SLC4A7: variants seen among roughly 807,000 people sequenced by gnomAD.
SLC4A7 encodes the protein solute carrier family 4 member 7.
A neutral mutation model predicts 137.6 loss-of-function variants in SLC4A7; 51 were observed. The observed-to-expected ratio is 0.37, with a 90% CI of 0.30 to 0.47. The LOEUF is 0.47. SLC4A7 is among the 20% of genes least tolerant of loss of function. The pLI, the probability that SLC4A7 is intolerant of heterozygous loss-of-function variation, is 1.00. For missense variants in SLC4A7, 1,247 were observed against 1,525.4 expected (o/e 0.82, Z 3.04); for synonymous variants, 542 against 518.6 (o/e 1.05, Z -0.61).
At chr3:27,473,666 T>TCAGCACTC in intron 1 of SLC4A7, among the ~76,000 whole-genome samples, 1 of 122,496 alleles carries the variant, frequency 8.2e-6, no homozygotes, top group African/African-American at 3.2e-5. Context: ...CGAGATCATA[T>TCAGCACTC]CAGCACTCCA....
At chr3:27,397,955 T>G in intron 17 of SLC4A7, 158 bp from the exon 18 acceptor site, 1 of 620,560 alleles carries the variant, frequency 1.6e-6, no homozygotes, top group Non-Finnish European at 2.7e-6. Flanking sequence ...ATTTAATTCT[T>G]TCCAAAAATA....
chr3:27,394,491 T>C (rs1257970250), intron 20 of SLC4A7, 27 bp downstream of exon 20: 5 of 1,589,600 alleles, frequency 3.1e-6, no homozygotes, highest in Non-Finnish European at 3.4e-6. Context: ...AATAAGATTG[T>C]AAAACACGGC....
intron 6 of SLC4A7, among the ~76,000 whole-genome samples, chr3:27,433,399 G>A (rs1023047494): frequency 6.6e-6 from 1 of 152,178 alleles, no homozygotes; most frequent in African/African-American, 2.4e-5. Flanking sequence ...GTAAACGACT[G>A]CAAAAACACT....
At chr3:27,462,351 T>A (rs1490216585) in intron 1 of SLC4A7, among the ~76,000 whole-genome samples, 1 of 152,182 alleles carries the variant, frequency 6.6e-6, no homozygotes, top group Non-Finnish European at 1.5e-5. Context: ...TTGGGGTTTT[T>A]AAAGAAGACA....
At chr3:27,394,845 A>G in intron 19 of SLC4A7, 76 bp from the exon 20 acceptor site, 3 of 1,550,706 alleles carry the variant, frequency 1.9e-6, no homozygotes, top group Non-Finnish European at 2.6e-6. Flanking sequence ...CGAATTATAA[A>G]GAGGGAAGAA....
At chr3:27,386,272 C>T (rs958777048) in intron 22 of SLC4A7, among the ~76,000 whole-genome samples, 5 of 150,788 alleles carry the variant, frequency 3.3e-5, no homozygotes, top group African/African-American at 1.2e-4. Context: ...TGAATAAATC[C>T]CTTGCACTAC....
chr3:27,409,259 G>T, intron 13 of SLC4A7, 97 bp downstream of exon 13: 1 of 956,786 alleles, frequency 1.0e-6, no homozygotes, highest in Non-Finnish European at 1.5e-6. Context: ...GCTGTGGGTA[G>T]ACTCTTCAAA....
intron 1 of SLC4A7, among the ~76,000 whole-genome samples, chr3:27,470,226 CT>C (rs199664626): frequency 2.9e-3 from 408 of 142,364 alleles, no homozygotes; most frequent in East Asian, 8.6e-3. Context: ...AATTGTAGAT[CT>C]TTTTTTTTTT....
At chr3:27,406,096 A>G (rs2053317906) in intron 13 of SLC4A7, among the ~76,000 whole-genome samples, 1 of 152,230 alleles carries the variant, frequency 6.6e-6, no homozygotes, top group Non-Finnish European at 1.5e-5. Context: ...TCCTGCTGAA[A>G]TGAGAGGCAG....
At chr3:27,459,617 T>C (rs565549287) in intron 1 of SLC4A7, among the ~76,000 whole-genome samples, 13 of 152,306 alleles carry the variant, frequency 8.5e-5, no homozygotes, top group African/African-American at 2.4e-4. Context: ...ACAAAAAAGA[T>C]AGCATTCATT....
chr3:27,481,943 C>A (rs112649002), intron 1 of SLC4A7, among the ~76,000 whole-genome samples: 1 of 152,088 alleles, frequency 6.6e-6, no homozygotes, highest in African/African-American at 2.4e-5. Flanking sequence ...CGAGACCAGC[C>A]TAACCAACAG....
At chr3:27,437,243 CG>C in intron 4 of SLC4A7, 144 bp downstream of exon 4, 1 of 423,302 alleles carries the variant, frequency 2.4e-6, no homozygotes, top group South Asian at 5.9e-5. Context: ...GTCAGCTACT[CG>C]GGAGGCTGAG....
In SLC4A7 at chr3:27,434,118, A is replaced by C. The variant is rs1397784776; in HGVS notation, c.590-14T>G. 1.3e-6 allele frequency: 2 copies of C among 1,563,426 alleles called. No individual in the cohort carries two copies. The highest frequency in any genetic ancestry group is 8.7e-7 in the Non-Finnish European group (1 of 1,155,232). On this transcript the variant is annotated splice_polypyrimidine_tract_variant and intron_variant, in intron 5 of 25. Transcript: ENST00000454389. ...CTAATACCATATCTATTCAATGAAA[A>C]AAAAAATAAATTACTAAACACTCAG... is the stretch of plus-strand genomic sequence containing the variant.
At chr3:27,383,299 A>C in intron 23 of SLC4A7, 49 bp from the exon 24 acceptor site, 2 of 1,315,446 alleles carry the variant, frequency 1.5e-6, no homozygotes, top group Non-Finnish European at 2.2e-6. Context: ...ATATTTTCCA[A>C]GAGAATTGAC....
chr3:27,471,657 C>A (rs1035107728), intron 1 of SLC4A7, among the ~76,000 whole-genome samples: 5 of 152,196 alleles, frequency 3.3e-5, no homozygotes, highest in Admixed American at 3.3e-4. Context: ...CAGGCGTGAG[C>A]CACCGCGCCC....
chr3:27,426,908 G>A (rs2055690652), intron 7 of SLC4A7, among the ~76,000 whole-genome samples: 2 of 152,058 alleles, frequency 1.3e-5, no homozygotes, highest in South Asian at 4.1e-4. Context: ...GCTATCATTA[G>A]CACAAACACA....
At chr3:27,393,951 G>A (rs1192069023) in intron 20 of SLC4A7, among the ~76,000 whole-genome samples, 1 of 152,044 alleles carries the variant, frequency 6.6e-6, no homozygotes, top group African/African-American at 2.4e-5. Flanking sequence ...AAAAATTACT[G>A]AGGTCATTTC....
Position 27,484,295 on chromosome 3 carries a change from GAGAC to G in SLC4A7, c.-173_-170del. 2.4e-6 allele frequency: 1 copy of G among 413,410 alleles called. No homozygotes were observed. The highest frequency in any genetic ancestry group is 1.2e-4 in the South Asian group (1 of 8,128). 25.6% of individuals were successfully genotyped at this position (413,410 alleles called of 1,614,324 possible). A position where few individuals can be genotyped will look rare whatever the true frequency, so the allele number is the denominator to read the frequency against. On this transcript the variant is annotated 5_prime_UTR_variant, in exon 1 of 26. Coordinates refer to ENST00000454389, the MANE Select transcript of SLC4A7 (RefSeq NM_001321103.2). ...GGGGAGAGCCGGGCGCCGGGCGCGG[GAGAC>G]GCGGGGCGTGCGTGTGCGCGCTGCG...
At chr3:27,381,593 T>C (rs981246887) in intron 24 of SLC4A7, among the ~76,000 whole-genome samples, 32 of 152,218 alleles carry the variant, frequency 2.1e-4, no homozygotes, top group African/African-American at 7.5e-4. Context: ...CAAAATTAGT[T>C]GAATTCATTC....
Sources: allele counts gnomAD v4.1 joint callset (sites outside exome capture counted in the v4.1 genomes callset), GRCh38; gene constraint gnomAD v4.1.1; transcripts MANE v1.5; gene names NCBI Gene and HGNC (gene_info 2026-07-23, HGNC 2026-07-21).